The following HEATR4 variants were observed in gnomAD, a reference collection of about 807,000 sequenced individuals.
HEATR4 encodes HEAT repeat-containing protein 4.
Under a neutral mutation model 108.8 loss-of-function variants are expected in HEATR4, and 95 were observed. The observed-to-expected ratio is 0.87, with a 90% CI of 0.74 to 1.04. HEATR4 has a LOEUF of 1.04. Ranked by LOEUF, HEATR4 falls within the 50% of genes least tolerant of loss-of-function variation. HEATR4 has a pLI of 0.00. For synonymous variants in HEATR4, 443 were observed against 459.4 expected, an observed-to-expected ratio of 0.96 and a Z score of 0.46; for missense variants, 1,152 against 1,253.8, an observed-to-expected ratio of 0.92 and a Z score of 1.23.
chr14:73,617,404 C>T, the HEATR4 span, among the ~76,000 whole-genome samples: 3 of 152,152 alleles, frequency 2.0e-5, no homozygotes, highest in Admixed American at 6.6e-5. Context: ...TGCTTGACCC[C>T]AGGAGTTCAA....
the HEATR4 span, among the ~76,000 whole-genome samples, chr14:73,626,955 C>T: frequency 6.6e-6 from 1 of 151,508 alleles, no homozygotes; most frequent in African/African-American, 2.4e-5. Flanking sequence ...CCACACCCCA[C>T]TAATTTTTGT....
At chr14:73,500,806 C>T (rs1886411370) in intron 11 of HEATR4, 76 bp from the exon 12 acceptor site, 3 of 1,398,726 alleles carry the variant, frequency 2.1e-6, no homozygotes, top group African/African-American at 1.4e-5. Flanking sequence ...CTAATGCCCT[C>T]ATGATAAAAT....
chr14:73,616,902 C>T, the HEATR4 span: 1 of 581,528 alleles, frequency 1.7e-6, no homozygotes, highest in Non-Finnish European at 3.1e-6. Context: ...GCCAATCTCT[C>T]TACCCCCAAT....
At chr14:73,610,539 C>A in the HEATR4 span, among the ~76,000 whole-genome samples, 1 of 152,122 alleles carries the variant, frequency 6.6e-6, no homozygotes, top group Admixed American at 6.6e-5. Flanking sequence ...CATCCGCCCC[C>A]CTCGGCCTCC....
chr14:73,506,810 TTTTTTTTTTTTTTTTCTGAGAA>T (rs1424196398), intron 9 of HEATR4, among the ~76,000 whole-genome samples: 3,785 of 133,126 alleles, frequency 0.028, 195 homozygotes, highest in African/African-American at 0.1. Context: ...AACTGTTTTT[TTTTTTTTTTTTTTTTCTGAGAA>T]GGTTGTCCCC....
chr14:73,612,485 T>A, the HEATR4 span: 34 of 927,790 alleles, frequency 3.7e-5, no homozygotes, highest in Non-Finnish European at 4.9e-5. Flanking sequence ...GGCTCCGCCC[T>A]CGACTACTTT....
chr14:73,592,746 G>A, the HEATR4 span, among the ~76,000 whole-genome samples: 22,372 of 152,120 alleles, frequency 0.15, 2,215 homozygotes, highest in Non-Finnish European at 0.22. Context: ...CCAGCCACTC[G>A]GGAGGCTGAG....
At chr14:73,535,136 A>G (rs1332837596) in intron 1 of HEATR4, among the ~76,000 whole-genome samples, 1 of 115,374 alleles carries the variant, frequency 8.7e-6, no homozygotes, top group African/African-American at 2.8e-5. Context: ...AACCAAATTT[A>G]TATTGCTAAC....
the HEATR4 span, among the ~76,000 whole-genome samples, chr14:73,603,836 C>T: frequency 5.1e-3 from 780 of 151,828 alleles, 6 homozygotes; most frequent in South Asian, 0.018. Flanking sequence ...CAGGTTCAAG[C>T]GATTCTTCTG....
At chr14:73,544,019 G>A (rs568398219) in intron 1 of HEATR4, among the ~76,000 whole-genome samples, 1 of 114,182 alleles carries the variant, frequency 8.8e-6, no homozygotes, top group South Asian at 2.8e-4. Context: ...TGAGCCAGGC[G>A]TGGTGGCTCA....
At chr14:73,604,365 A>G in the HEATR4 span, among the ~76,000 whole-genome samples, 3 of 151,042 alleles carry the variant, frequency 2.0e-5, no homozygotes, top group Non-Finnish European at 4.4e-5. Context: ...GGGCTTCACC[A>G]TGTTGGCCAG....
intron 11 of HEATR4, among the ~76,000 whole-genome samples, chr14:73,501,219 C>T (rs1033577361): frequency 2.6e-5 from 4 of 151,650 alleles, no homozygotes; most frequent in South Asian, 2.1e-4. Flanking sequence ...CCTGGGTTCA[C>T]GCCATTCTCC....
At chr14:73,493,193 C>A in intron 16 of HEATR4, 69 bp from the exon 17 acceptor site, 1 of 1,265,694 alleles carries the variant, frequency 7.9e-7, no homozygotes, top group Non-Finnish European at 1.2e-6. Flanking sequence ...CATTTCAGAG[C>A]ACCAACTTCA....
At chr14:73,508,363 T>C (rs1172751929) in intron 8 of HEATR4, 69 bp from the exon 9 acceptor site, 4 of 1,425,112 alleles carry the variant, frequency 2.8e-6, no homozygotes, top group Middle Eastern at 2.5e-4. Flanking sequence ...AGCCTTTGGA[T>C]TGATACCCAA....
chr14:73,569,701 G>C, the HEATR4 span: 1 of 1,609,618 alleles, frequency 6.2e-7, no homozygotes, highest in South Asian at 1.1e-5. Flanking sequence ...CCTTTGGTGC[G>C]GCTGGTGAAG....
At chr14:73,604,160 A>ATTTAT in the HEATR4 span, among the ~76,000 whole-genome samples, 1 of 91,456 alleles carries the variant, frequency 1.1e-5, no homozygotes, top group Non-Finnish European at 2.1e-5. Flanking sequence ...TCATTTGCTA[A>ATTTAT]TTTCTTTTTT....
chr14:73,554,591 G>C (rs1889369781), intron 1 of HEATR4, among the ~76,000 whole-genome samples: 2 of 114,772 alleles, frequency 1.7e-5, no homozygotes, highest in African/African-American at 5.6e-5. Flanking sequence ...TGGTTACTAT[G>C]TGTAAAATAT....
chr14:73,501,757 A>T (rs1725961603), intron 11 of HEATR4, among the ~76,000 whole-genome samples: 1 of 149,118 alleles, frequency 6.7e-6, no homozygotes, highest in Admixed American at 6.7e-5. Flanking sequence ...ATTTTATTTT[A>T]TTATTATTAT....
In HEATR4 at chr14:73,486,761, C is replaced by T. The variant is rs142679064; in HGVS notation, c.2844+6305G>A. 3.9e-3 allele frequency among the ~76,000 whole-genome samples: 594 copies of T among 151,666 alleles called. 5 individuals carry two copies. The highest frequency in any genetic ancestry group is 0.012 in the African/African-American group (510 of 41,374). ...TCACCCTTCCTTCCCAGTATATTTACACTTTAGATATAGATGAAGTGAAAG... is the reference window on the plus strand; with the variant it reads ...TCACCCTTCCTTCCCAGTATATTTATACTTTAGATATAGATGAAGTGAAAG... On this transcript the variant is annotated intron_variant, in intron 17 of 17. Transcript: ENST00000553558.
Sources: allele counts gnomAD v4.1 joint callset (sites outside exome capture counted in the v4.1 genomes callset), GRCh38; gene constraint gnomAD v4.1.1; transcripts MANE v1.5; gene names NCBI Gene and HGNC (gene_info 2026-07-23, HGNC 2026-07-21).